ADAM22: variants seen among roughly 807,000 people sequenced by gnomAD.
The protein encoded by ADAM22 is ADAM metallopeptidase domain 22.
A neutral mutation model predicts 144.6 loss-of-function variants in ADAM22; 65 were observed. That is an observed-to-expected ratio of 0.45 (90% CI 0.37 to 0.55). ADAM22 has a LOEUF of 0.55. ADAM22 is among the 20% of genes least tolerant of loss of function. The probability of loss-of-function intolerance (pLI) is 0.00; values close to 1 mark genes in which losing one functional copy is unlikely to be tolerated. For missense variants in ADAM22, 974 were observed against 1,184.9 expected, an observed-to-expected ratio of 0.82 and a Z score of 2.61; for synonymous variants, 391 against 412.6, an observed-to-expected ratio of 0.95 and a Z score of 0.63.
chr7:88,086,661 T>C (rs1818522092), intron 4 of ADAM22, among the ~76,000 whole-genome samples: 1 of 152,206 alleles, frequency 6.6e-6, no homozygotes, highest in Non-Finnish European at 1.5e-5. Context: ...AAAAGAATTT[T>C]AAAGTAAAGC....
chr7:88,086,473 A>AT (rs1211249675), intron 4 of ADAM22, among the ~76,000 whole-genome samples: 4 of 152,182 alleles, frequency 2.6e-5, no homozygotes, highest in African/African-American at 9.7e-5. Context: ...CTTAAAAAGA[A>AT]TTTTTTTCAA....
intron 4 of ADAM22, among the ~76,000 whole-genome samples, chr7:88,081,492 G>A (rs977774129): frequency 1.6e-4 from 24 of 152,134 alleles, no homozygotes; most frequent in African/African-American, 5.8e-4. Context: ...TCTGGCTAGG[G>A]CAGTCAGGCA....
intron 2 of ADAM22, among the ~76,000 whole-genome samples, chr7:87,966,144 A>G (rs777284043): frequency 7.2e-5 from 11 of 152,154 alleles, no homozygotes; most frequent in South Asian, 4.1e-4. Flanking sequence ...TATCAAGCCA[A>G]TAGTGGGGCT....
chr7:88,083,454 G>C (rs533669419), intron 4 of ADAM22, among the ~76,000 whole-genome samples: 4 of 151,718 alleles, frequency 2.6e-5, no homozygotes, highest in Non-Finnish European at 4.4e-5. Flanking sequence ...AAACCTGCAC[G>C]TTGTTCCCAT....
intron 2 of ADAM22, chr7:87,964,793 G>A (rs960282364): frequency 9.8e-6 from 3 of 307,236 alleles, no homozygotes; most frequent in East Asian, 1.9e-4. Context: ...AGGGCAAGGA[G>A]TTACTCTTCA....
Position 88,098,399 on chromosome 7 carries a change from A to G in ADAM22, c.391-9777A>G, listed in dbSNP as rs192356356. On this transcript the variant is annotated intron_variant, in intron 4 of 31. Coordinates refer to ENST00000413139, the MANE Select transcript of ADAM22 (RefSeq NM_001324418.2). Reference sequence around the variant, plus strand: ...TAAAAATTTACTTGGCTATGTATAAAGAGATGAATTATTTTACTGGTTTGA... The same window carrying G: ...TAAAAATTTACTTGGCTATGTATAAGGAGATGAATTATTTTACTGGTTTGA... Among the ~76,000 whole-genome samples the G allele has an allele frequency of 1.2e-4, 18 of 152,298 alleles. No homozygotes were observed. The East Asian group carries it at 3.3e-3, about 28-fold the overall frequency.
At chr7:87,959,029 G>A (rs913190336) in intron 2 of ADAM22, among the ~76,000 whole-genome samples, 21 of 151,226 alleles carry the variant, frequency 1.4e-4, no homozygotes, top group East Asian at 5.8e-4. Flanking sequence ...GTCTGTCTGT[G>A]TATTACTTTA....
rs17150304 is a variant in ADAM22 at position 88,165,967 on chromosome 7, C to G, written c.2191+21C>G. On this transcript the variant is annotated intron_variant, in intron 24 of 31. Coordinates refer to ENST00000413139, the MANE Select transcript of ADAM22 (RefSeq NM_001324418.2). ...CAATGGTAAGTACTTAATTTGGTAA[C>G]ATTATGTAGTCTTTATACACAAAGA... 195,982 of 1,550,938 alleles carry G rather than the reference C, an allele frequency of 0.13. 17,849 individuals are homozygous for G. Among genetic ancestry groups the G allele is most frequent in the East Asian group, 0.46 (20,064 of 43,682 alleles).
chr7:88,125,322 T>A (rs915464791), intron 7 of ADAM22, among the ~76,000 whole-genome samples: 2 of 151,984 alleles, frequency 1.3e-5, no homozygotes, highest in Admixed American at 1.3e-4. Context: ...TTCCAGTAAA[T>A]AAAGTAATGA....
intron 5 of ADAM22, among the ~76,000 whole-genome samples, chr7:88,109,970 G>GA (rs1825583456): frequency 6.6e-6 from 1 of 152,156 alleles, no homozygotes; most frequent in African/African-American, 2.4e-5. Context: ...CAGGATCTGG[G>GA]AATAAGCATA....
At chr7:88,102,019 C>A (rs11767113) in intron 4 of ADAM22, among the ~76,000 whole-genome samples, 1 of 152,042 alleles carries the variant, frequency 6.6e-6, no homozygotes, top group South Asian at 2.1e-4. Flanking sequence ...GCAGGCATAC[C>A]TGGGTGTGGA....
intron 3 of ADAM22, among the ~76,000 whole-genome samples, chr7:87,988,126 A>G (rs1788903021): frequency 6.6e-6 from 1 of 152,208 alleles, no homozygotes; most frequent in Admixed American, 6.5e-5. Context: ...AATTTTAGAG[A>G]AGCTGAAGTC....
intron 3 of ADAM22, among the ~76,000 whole-genome samples, chr7:88,042,354 A>G (rs1585200389): frequency 6.6e-6 from 1 of 151,994 alleles, no homozygotes. Context: ...CTTTGGTTTC[A>G]TTTTCAAATT....
chr7:88,051,646 C>T (rs1806446418), intron 3 of ADAM22, among the ~76,000 whole-genome samples: 1 of 151,796 alleles, frequency 6.6e-6, no homozygotes, highest in Non-Finnish European at 1.5e-5. Flanking sequence ...CACACGTATA[C>T]ATATGTAACA....
intron 31 of ADAM22, 63 bp downstream of exon 31, chr7:88,193,302 T>C: frequency 1.3e-6 from 2 of 1,536,932 alleles, no homozygotes; most frequent in Non-Finnish European, 8.8e-7. Context: ...TATGAGTTTA[T>C]ATTTTAAAAG....
intron 4 of ADAM22, among the ~76,000 whole-genome samples, chr7:88,093,348 A>C (rs1318398928): frequency 6.6e-6 from 1 of 152,106 alleles, no homozygotes; most frequent in Non-Finnish European, 1.5e-5. Context: ...TTTCCTATTC[A>C]TTAATAAAAA....
chr7:87,934,748 C>A (rs1332280484), intron 1 of ADAM22, 198 bp downstream of exon 1: 1 of 656,676 alleles, frequency 1.5e-6, no homozygotes, highest in Admixed American at 3.0e-5. Context: ...CACTGGAAGC[C>A]TTCGGTCAAA....
intron 3 of ADAM22, among the ~76,000 whole-genome samples, chr7:88,066,692 A>G (rs1184017762): frequency 6.6e-6 from 1 of 152,054 alleles, no homozygotes; most frequent in Non-Finnish European, 1.5e-5. Context: ...CCCTGGGGGT[A>G]CTCCAATGTT....
intron 2 of ADAM22, among the ~76,000 whole-genome samples, chr7:87,954,313 T>C (rs980655326): frequency 2.6e-5 from 4 of 152,192 alleles, no homozygotes; most frequent in Admixed American, 6.5e-5. Context: ...GTGCTTCCTT[T>C]AGGAGCTCTT....
Sources: gnomAD v4.1 joint callset for allele counts (sites outside exome capture counted in the v4.1 genomes callset) on GRCh38, gnomAD v4.1.1 for gene constraint, MANE v1.5 for transcripts, NCBI Gene and HGNC (gene_info 2026-07-23, HGNC 2026-07-21) for gene names.